PCDH15: variants seen among roughly 807,000 people sequenced by gnomAD.
PCDH15 encodes the protein protocadherin-15.
Under a neutral mutation model 178.5 loss-of-function variants are expected in PCDH15, and 129 were observed. The observed-to-expected ratio is 0.72, with a 90% CI of 0.63 to 0.84. The LOEUF (loss-of-function observed/expected upper bound fraction) is 0.84. Ranked by LOEUF, PCDH15 falls within the 40% of genes least tolerant of loss-of-function variation. The probability of loss-of-function intolerance (pLI) is 0.00; values close to 1 mark genes in which losing one functional copy is unlikely to be tolerated. For synonymous variants in PCDH15, 800 were observed against 732.0 expected, an observed-to-expected ratio of 1.09 and a Z score of -1.50; for missense variants, 2,230 against 2,099.9, an observed-to-expected ratio of 1.06 and a Z score of -1.21.
intron 2 of PCDH15, among the ~76,000 whole-genome samples, chr10:54,910,471 A>T (rs575395560): frequency 9.8e-5 from 15 of 152,344 alleles, no homozygotes; most frequent in African/African-American, 3.6e-4. Context: ...CTCACCACAG[A>T]AAATAACAAA....
intron 2 of PCDH15, among the ~76,000 whole-genome samples, chr10:55,400,147 C>T (rs1838028254): frequency 6.6e-6 from 1 of 152,104 alleles, no homozygotes; most frequent in Admixed American, 6.6e-5. Context: ...TGACCCCAAA[C>T]CTGGTCATCT....
At chr10:54,865,041 G>T (rs1366973896) in intron 3 of PCDH15, among the ~76,000 whole-genome samples, 1 of 152,142 alleles carries the variant, frequency 6.6e-6, no homozygotes, top group Admixed American at 6.6e-5. Flanking sequence ...ATGTGTGATG[G>T]TTAATATTAT....
At chr10:54,936,046 C>A (rs1837898700) in intron 2 of PCDH15, among the ~76,000 whole-genome samples, 1 of 151,828 alleles carries the variant, frequency 6.6e-6, no homozygotes, top group South Asian at 2.1e-4. Flanking sequence ...CTCATCATTC[C>A]CCTCAATACC....
chr10:54,020,227 G>A lies in PCDH15; in HGVS notation c.2716C>T (p.Pro906Ser), dbSNP rs1179535423. Reference sequence around the variant, plus strand: ...ACTGTGACAGTAGCAATACCAGGTGGCATTGTTCCATAAATATCAAAGGCC... The same window carrying A: ...ACTGTGACAGTAGCAATACCAGGTGACATTGTTCCATAAATATCAAAGGCC... ...VEAFDIYGTM[P>S]PGIATVTVIV... Residue 906 changes from proline to serine, a missense_variant, in exon 20 of 38, where the codon CCA becomes TCA. Coordinates refer to ENST00000644397, the MANE Select transcript of PCDH15 (RefSeq NM_001384140.1). 6.2e-7 allele frequency: 1 copy of A among 1,613,586 alleles called. No individual in the cohort carries two copies. The highest frequency in any genetic ancestry group is 2.2e-5 in the East Asian group (1 of 44,850).
chr10:55,081,389 C>T (rs767905291), intron 2 of PCDH15, among the ~76,000 whole-genome samples: 1 of 152,200 alleles, frequency 6.6e-6, no homozygotes, highest in Non-Finnish European at 1.5e-5. Flanking sequence ...AGGCTCCACT[C>T]TCATGACCTA....
intron 16 of PCDH15, among the ~76,000 whole-genome samples, chr10:54,088,730 G>C (rs1312102893): frequency 6.6e-6 from 1 of 152,088 alleles, no homozygotes; most frequent in Non-Finnish European, 1.5e-5. Context: ...TGAATGATGT[G>C]AGATAAAAAT....
intron 25 of PCDH15, among the ~76,000 whole-genome samples, chr10:53,931,516 G>T (rs2610839): frequency 0.047 from 7,116 of 152,122 alleles, 514 homozygotes; most frequent in African/African-American, 0.16. Flanking sequence ...AACTTCTGTC[G>T]TTGCGCAGAC....
chr10:55,117,177 C>A (rs1249476754), intron 2 of PCDH15, among the ~76,000 whole-genome samples: 2 of 152,130 alleles, frequency 1.3e-5, no homozygotes, highest in Non-Finnish European at 2.9e-5. Context: ...GGTGTCTTAG[C>A]CAAGAACCTA....
chr10:54,645,664 A>G (rs958555839), intron 2 of PCDH15, among the ~76,000 whole-genome samples: 4 of 152,180 alleles, frequency 2.6e-5, no homozygotes, highest in African/African-American at 7.2e-5. Context: ...TGAGTGTTCT[A>G]AGAAAGAAGT....
intron 2 of PCDH15, among the ~76,000 whole-genome samples, chr10:55,013,315 A>C (rs1304562556): frequency 6.6e-6 from 1 of 152,180 alleles, no homozygotes; most frequent in Admixed American, 6.6e-5. Context: ...TCTTTTGAAA[A>C]TGCAAATGTG....
chr10:54,884,514 C>T (rs997224140), intron 3 of PCDH15, among the ~76,000 whole-genome samples: 12 of 132,170 alleles, frequency 9.1e-5, no homozygotes, highest in African/African-American at 3.0e-4. Flanking sequence ...TGTGTGTGCA[C>T]CTGTGTGCAT....
Position 54,204,894 on chromosome 10 carries a change from T to G in PCDH15, c.1099-9005A>C, listed in dbSNP as rs115398387. 3.2e-3 allele frequency among the ~76,000 whole-genome samples: 483 copies of G among 152,316 alleles called. 3 individuals carry two copies. The highest frequency in any genetic ancestry group is 0.011 in the African/African-American group (464 of 41,574). ...ACTGTGGTTTCCAAAGCCCTGCTTC[T>G]TATCTGCTGCCTTAAAATAATCTAA... On this transcript the variant is annotated intron_variant, in intron 10 of 37. Transcript: ENST00000644397.
intron 3 of PCDH15, among the ~76,000 whole-genome samples, chr10:54,522,400 C>A (rs1308424760): frequency 1.3e-5 from 2 of 152,182 alleles, no homozygotes; most frequent in African/African-American, 2.4e-5. Flanking sequence ...TTAAACTTAT[C>A]AGCATATTCA....
intron 27 of PCDH15, 70 bp from the exon 28 acceptor site, chr10:53,857,333 C>T: frequency 3.5e-6 from 4 of 1,127,214 alleles, no homozygotes; most frequent in Non-Finnish European, 5.4e-6. Flanking sequence ...AAAACCCCCA[C>T]ATTACCTCTT....
intron 2 of PCDH15, among the ~76,000 whole-genome samples, chr10:55,504,341 A>C (rs1437283783): frequency 1.3e-5 from 2 of 151,484 alleles, no homozygotes; most frequent in Non-Finnish European, 3.0e-5. Context: ...AAATAAAGTT[A>C]ATTATTTGAA....
chr10:55,475,393 A>G (rs927377950), intron 2 of PCDH15, among the ~76,000 whole-genome samples: 1 of 152,180 alleles, frequency 6.6e-6, no homozygotes, highest in Non-Finnish European at 1.5e-5. Context: ...ACAATATTAT[A>G]ACAGATAAGA....
chr10:55,380,700 A>C (rs1433518239), intron 2 of PCDH15, among the ~76,000 whole-genome samples: 1 of 152,124 alleles, frequency 6.6e-6, no homozygotes, highest in African/African-American at 2.4e-5. Context: ...GAGAAGGGAC[A>C]AGGGGCCAAG....
intron 2 of PCDH15, among the ~76,000 whole-genome samples, chr10:55,458,973 G>A (rs1589046002): frequency 6.6e-6 from 1 of 151,876 alleles, no homozygotes. Flanking sequence ...AACATTGAAC[G>A]CAGAAACTTG....
intron 22 of PCDH15, among the ~76,000 whole-genome samples, chr10:53,960,789 CAT>C (rs1347468476): frequency 4.6e-5 from 7 of 152,190 alleles, no homozygotes; most frequent in African/African-American, 1.4e-4. Flanking sequence ...TCATGAGAGA[CAT>C]AGTGCTCACT....
Sources: allele counts gnomAD v4.1 joint callset (sites outside exome capture counted in the v4.1 genomes callset), GRCh38; gene constraint gnomAD v4.1.1; transcripts MANE v1.5; gene names NCBI Gene and HGNC (gene_info 2026-07-23, HGNC 2026-07-21).